DNAH9: variants seen among roughly 807,000 people sequenced by gnomAD.
The protein encoded by DNAH9 is dynein axonemal heavy chain 9.
Under a neutral mutation model 471.6 loss-of-function variants are expected in DNAH9, and 345 were observed. The ratio of observed to expected loss-of-function variants is 0.73; its 90% confidence interval spans 0.67 to 0.80. The LOEUF is 0.80. DNAH9 is among the 30% of genes least tolerant of loss of function. DNAH9 has a pLI of 0.00. For synonymous variants in DNAH9, 2,093 were observed against 2,123.6 expected (o/e 0.99, Z 0.40); for missense variants, 5,407 against 5,609.2 (o/e 0.96, Z 1.15).
intron 19 of DNAH9, among the ~76,000 whole-genome samples, chr17:11,684,069 C>T (rs2074189916): frequency 6.6e-6 from 1 of 152,094 alleles, no homozygotes; most frequent in Admixed American, 6.6e-5. Context: ...GTTGCAGGCC[C>T]TGGTATATTT....
intron 31 of DNAH9, 57 bp downstream of exon 31, chr17:11,745,141 ATGGG>A: frequency 3.5e-6 from 5 of 1,421,020 alleles, no homozygotes; most frequent in Non-Finnish European, 4.9e-6. Context: ...GTCCAGGATA[ATGGG>A]TTATCCTTCA....
chr17:11,787,671 C>A (rs1277634135), intron 41 of DNAH9, among the ~76,000 whole-genome samples: 1 of 152,190 alleles, frequency 6.6e-6, no homozygotes, highest in East Asian at 1.9e-4. Context: ...TCTGGGTCCC[C>A]ACCCAAATCT....
At chr17:11,610,343 C>T (rs1415148404) in intron 2 of DNAH9, 53 bp from the exon 3 acceptor site, 2 of 1,491,032 alleles carry the variant, frequency 1.3e-6, no homozygotes, top group African/African-American at 1.4e-5. Flanking sequence ...TATTTTCACG[C>T]CTCAGGGTTT....
intron 61 of DNAH9, among the ~76,000 whole-genome samples, chr17:11,912,816 T>C (rs922733947): frequency 3.3e-5 from 5 of 152,210 alleles, no homozygotes; most frequent in African/African-American, 1.2e-4. Context: ...AGAATAATGC[T>C]AATAATCTAT....
At chr17:11,617,701 T>C in intron 5 of DNAH9, 79 bp downstream of exon 5, 4 of 1,006,432 alleles carry the variant, frequency 4.0e-6, no homozygotes, top group Non-Finnish European at 6.1e-6. Flanking sequence ...GAGACAAGTG[T>C]CCTTTTTTCT....
rs575862840 is a variant in DNAH9, at chr17:11,909,617, A to G, written c.11749+3808A>G. Among the ~76,000 whole-genome samples the G allele has an allele frequency of 1.1e-4, 16 of 152,202 alleles. 1 individual carries two copies. The South Asian group carries it at 2.1e-3, about 20-fold the overall frequency. ...ATCTCAGGAAATGTAAGGAATAAAA[A>G]TCTTTCAGTGGCATTTGCCCCTCCA... On this transcript the variant is annotated intron_variant, in intron 61 of 68. Transcript: ENST00000262442.
chr17:11,940,760 T>G (rs538566383), intron 66 of DNAH9, among the ~76,000 whole-genome samples: 22 of 152,324 alleles, frequency 1.4e-4, no homozygotes, highest in African/African-American at 4.1e-4. Context: ...ACATCAACTC[T>G]GGGAGTTGGG....
intron 52 of DNAH9, among the ~76,000 whole-genome samples, chr17:11,872,042 G>A (rs954496345): frequency 2.0e-5 from 3 of 152,092 alleles, no homozygotes; most frequent in South Asian, 2.1e-4. Flanking sequence ...CCTCTTCCCC[G>A]CGGGCTGTCT....
chr17:11,938,332 G>A lies in DNAH9; in HGVS notation c.12660+810G>A, dbSNP rs1049906854. Among the ~76,000 whole-genome samples the A allele has an allele frequency of 2.4e-4, 37 of 151,948 alleles. 1 individual carries two copies. Among genetic ancestry groups the A allele is most frequent in the African/African-American group, 8.2e-4 (34 of 41,466 alleles). On this transcript the variant is annotated intron_variant, in intron 66 of 68. Transcript: ENST00000262442. ...AAATTAGCCGGGTGTGGTGGTGGGC[G>A]CCTGTAATCCCAGCTACTCGGGAGA...
intron 41 of DNAH9, among the ~76,000 whole-genome samples, chr17:11,785,369 T>C (rs1968827858): frequency 6.6e-6 from 1 of 152,100 alleles, no homozygotes; most frequent in Admixed American, 6.5e-5. Context: ...AGTGTCGAAG[T>C]GATCAGGCAG....
chr17:11,881,618 C>A (rs989115781), intron 55 of DNAH9, among the ~76,000 whole-genome samples: 48 of 152,112 alleles, frequency 3.2e-4, no homozygotes, highest in African/African-American at 1.1e-3. Context: ...GAAGCAAAAA[C>A]AGTTTGAAGG....
intron 61 of DNAH9, among the ~76,000 whole-genome samples, chr17:11,923,136 C>T (rs1260753177): frequency 1.3e-5 from 2 of 151,942 alleles, no homozygotes; most frequent in Admixed American, 6.6e-5. Context: ...AGTGCAATGG[C>T]GTGATCTCGT....
At chr17:11,742,626 C>T (rs2075449031) in intron 30 of DNAH9, among the ~76,000 whole-genome samples, 1 of 152,104 alleles carries the variant, frequency 6.6e-6, no homozygotes, top group Non-Finnish European at 1.5e-5. Context: ...ATGGTCTGTA[C>T]CTGAAGGGGC....
intron 6 of DNAH9, among the ~76,000 whole-genome samples, chr17:11,620,485 A>C (rs11655262): frequency 0.99 from 147,423 of 148,580 alleles, 73,147 homozygotes; most frequent in East Asian, 1. Context: ...GCACTCCAGC[A>C]TGGGTGACAG....
chr17:11,671,428 A>G lies in DNAH9; in HGVS notation c.3353+1634A>G, dbSNP rs547505452. Among the ~76,000 whole-genome samples the G allele has an allele frequency of 4.6e-4, 70 of 152,342 alleles. 1 individual carries two copies. The South Asian group carries it at 0.013, about 29-fold the overall frequency. On this transcript the variant is annotated intron_variant, in intron 17 of 68. Coordinates refer to ENST00000262442, the MANE Select transcript of DNAH9 (RefSeq NM_001372.4). ...CAGAGGGGGGGCAGAGAATACAGGC[A>G]GGAGCCTTTGTTGTGATTTCTGTGG...
At chr17:11,890,672 G>A (rs770406086) in intron 57 of DNAH9, among the ~76,000 whole-genome samples, 18 of 151,994 alleles carry the variant, frequency 1.2e-4, no homozygotes, top group Non-Finnish European at 2.1e-4. Flanking sequence ...TCTGTTTTTT[G>A]TTGTTTTTGT....
intron 65 of DNAH9, among the ~76,000 whole-genome samples, chr17:11,936,548 C>T (rs934962439): frequency 6.6e-6 from 1 of 152,138 alleles, no homozygotes; most frequent in Admixed American, 6.6e-5. Flanking sequence ...AGGTGGAAAG[C>T]ACTTGAGCCT....
In DNAH9 at chr17:11,769,308, A is replaced by G; in HGVS notation, c.7531A>G (p.Thr2511Ala). ...GAAAAACGTGCCATTCAACTACTAC[A>G]CCACGTCAGCAATGCTGCAGGGTAA... ...LVKNVPFNYY[T>A]TSAMLQAVLE... is the part of the protein sequence containing the mutation. The change falls in exon 38 of 69, where the codon ACC (threonine) becomes GCC (alanine). Residue 2511 changes from threonine (T) to alanine (A), a missense_variant. Thr to Ala is a moderately conservative substitution (Grantham distance 58, BLOSUM62 0). Coordinates refer to ENST00000262442, the MANE Select transcript of DNAH9 (RefSeq NM_001372.4). 6.2e-7 allele frequency: 1 copy of G among 1,613,250 alleles called. No individual in the cohort carries two copies. Among genetic ancestry groups the G allele is most frequent in the Non-Finnish European group, 8.5e-7 (1 of 1,179,700 alleles).
intron 3 of DNAH9, among the ~76,000 whole-genome samples, chr17:11,610,939 G>C (rs2072621040): frequency 6.6e-6 from 1 of 152,146 alleles, no homozygotes; most frequent in African/African-American, 2.4e-5. Flanking sequence ...GAATACAGAG[G>C]AGTTTTGGGG....
Sources: allele counts gnomAD v4.1 joint callset (sites outside exome capture counted in the v4.1 genomes callset), GRCh38; gene constraint gnomAD v4.1.1; transcripts MANE v1.5; gene names NCBI Gene and HGNC (gene_info 2026-07-23, HGNC 2026-07-21).